SYTL5: variants seen among roughly 807,000 people sequenced by gnomAD.
SYTL5 encodes the protein synaptotagmin like 5, also known as synaptotagmin-like protein 5.
In SYTL5, 34 loss-of-function variants were observed where a neutral mutation model predicts 55.9. That is an observed-to-expected ratio of 0.61 (90% CI 0.46 to 0.81). The LOEUF (loss-of-function observed/expected upper bound fraction) is 0.81, where lower values mean the gene tolerates loss of function less well. Among genes scored for constraint, SYTL5 ranks in the 30% least tolerant of loss-of-function variants. The probability of loss-of-function intolerance (pLI) is 0.00; values close to 1 mark genes in which losing one functional copy is unlikely to be tolerated. For synonymous variants in SYTL5, 221 were observed against 188.7 expected, an observed-to-expected ratio of 1.17 and a Z score of -1.40; for missense variants, 637 against 546.7, an observed-to-expected ratio of 1.17 and a Z score of -1.65.
intron 13 of SYTL5, 38 bp from the exon 14 acceptor site, chrX:38,120,320 T>A (rs773260594): frequency 7.5e-5 from 75 of 997,733 alleles, no homozygotes; most frequent in Non-Finnish European, 1.0e-4. Flanking sequence ...AAGCCAATCA[T>A]CCATACTCTT....
Position 38,122,064 on chromosome X carries a change from T to G in SYTL5, c.1706-16T>G, listed in dbSNP as rs757638504. ...TCTCTTTCTCCACCATTCCCTCATT[T>G]TGGTGGCTGACACAGGAAATAAGAC... On this transcript the variant is annotated splice_polypyrimidine_tract_variant and intron_variant, in intron 14 of 16. Transcript: ENST00000297875. 3.5e-6 allele frequency: 4 copies of G among 1,159,363 alleles called. No homozygotes were observed. The highest frequency in any genetic ancestry group is 4.6e-6 in the Non-Finnish European group (4 of 867,722).
intron 2 of SYTL5, among the ~76,000 whole-genome samples, chrX:38,044,728 G>A (rs965051343): frequency 9.0e-6 from 1 of 111,456 alleles, no homozygotes; most frequent in African/African-American, 3.3e-5. Context: ...TTTTTTCTGA[G>A]TAATTTATCA....
chrX:37,937,523 C>G, the SYTL5 span, among the ~76,000 whole-genome samples: 46 of 111,665 alleles, frequency 4.1e-4, no homozygotes, highest in African/African-American at 1.4e-3. Context: ...CTTAAATGAA[C>G]TTTAGGTTGA....
chrX:38,102,311 C>T (rs1263645588), intron 9 of SYTL5, 31 bp from the exon 10 acceptor site: 2 of 1,006,703 alleles, frequency 2.0e-6, no homozygotes, highest in Admixed American at 2.3e-5. Context: ...ACAAATCAAC[C>T]AACCCACTGA....
intron 10 of SYTL5, among the ~76,000 whole-genome samples, chrX:38,103,744 C>G (rs974235881): frequency 9.0e-5 from 10 of 110,909 alleles, no homozygotes; most frequent in African/African-American, 3.3e-4. Flanking sequence ...TTGCATCTCT[C>G]GGAACAGATA....
rs188474166 is a variant in SYTL5 at position 38,124,042 on chromosome X, G to A, written c.1842-1256G>A. On this transcript the variant is annotated intron_variant, in intron 15 of 16. Transcript: ENST00000297875. ...TAAGGTCCCCAGTGCAGGTATGGAA[G>A]CATCATGATTATCAGGGACCCAGGA... Among the ~76,000 whole-genome samples, 26 of 111,664 alleles carry A rather than the reference G, an allele frequency of 2.3e-4. 1 individual carries two copies. In the East Asian group the frequency reaches 7.1e-3, roughly 30 times the overall value.
chrX:38,106,471 C>T, intron 10 of SYTL5, 122 bp from the exon 11 acceptor site: 1 of 617,785 alleles, frequency 1.6e-6, no homozygotes, highest in Non-Finnish European at 2.3e-6. Flanking sequence ...GTTTTCTTTC[C>T]TCACCCTAGA....
At chrX:37,937,519 T>A in the SYTL5 span, among the ~76,000 whole-genome samples, 13 of 111,567 alleles carry the variant, frequency 1.2e-4, no homozygotes, top group Non-Finnish European at 1.1e-4. Flanking sequence ...ACAACTTAAA[T>A]GAACTTTAGG....
intron 1 of SYTL5, 80 bp downstream of exon 1, chrX:38,006,748 G>C (rs1403227786): frequency 1.8e-5 from 2 of 111,509 alleles, no homozygotes; most frequent in African/African-American, 6.5e-5. Context: ...TAGGGGAGTA[G>C]TGGGATTTGC....
chrX:37,891,684 T>C, the SYTL5 span, among the ~76,000 whole-genome samples: 1 of 111,381 alleles, frequency 9.0e-6, no homozygotes, highest in Non-Finnish European at 1.9e-5. Flanking sequence ...TGTGTATGTG[T>C]GTATGTGAGT....
chrX:37,990,078 G>T, the SYTL5 span, among the ~76,000 whole-genome samples: 1 of 109,998 alleles, frequency 9.1e-6, no homozygotes, highest in Non-Finnish European at 1.9e-5. Context: ...TAGAGACGGG[G>T]TTTAACTGTG....
intron 9 of SYTL5, among the ~76,000 whole-genome samples, chrX:38,096,768 C>T (rs73467467): frequency 0.014 from 1,580 of 111,018 alleles, 11 homozygotes; most frequent in African/African-American, 0.016. Flanking sequence ...AAAATACGGA[C>T]TCCTTGGAAG....
chrX:38,026,101 G>A (rs777738913), intron 1 of SYTL5, among the ~76,000 whole-genome samples: 1 of 112,522 alleles, frequency 8.9e-6, no homozygotes, highest in African/African-American at 3.2e-5. Flanking sequence ...TTCTCAGAAT[G>A]AGGCTCCATC....
chrX:37,973,810 A>T, the SYTL5 span, among the ~76,000 whole-genome samples: 1,743 of 109,299 alleles, frequency 0.016, 33 homozygotes, highest in African/African-American at 0.053. Context: ...ATTTTTTTTT[A>T]AAAAATATTT....
At position 38,048,110 on chromosome X, in the gene SYTL5, C is replaced by T. The variant is rs762763354; in HGVS notation, c.120-6103C>T. 1.5e-3 allele frequency among the ~76,000 whole-genome samples: 170 copies of T among 109,900 alleles called. 2 individuals are homozygous for T. Among genetic ancestry groups the T allele is most frequent in the Admixed American group, 0.012 (128 of 10,352 alleles). On this transcript the variant is annotated intron_variant, in intron 2 of 16. Transcript: ENST00000297875. ...CTGAGGCAGGAGAATGGCATGAACCCGGGAGGTGGAGCTTGCAGTGAGCTG... is the reference window on the plus strand; with the variant it reads ...CTGAGGCAGGAGAATGGCATGAACCTGGGAGGTGGAGCTTGCAGTGAGCTG...
chrX:38,003,030 G>A (rs1483367515), upstream of SYTL5, among the ~76,000 whole-genome samples: 3 of 111,649 alleles, frequency 2.7e-5, no homozygotes, highest in Non-Finnish European at 5.6e-5. Flanking sequence ...AATCCATCTT[G>A]AATTAATTTT....
intron 1 of SYTL5, among the ~76,000 whole-genome samples, chrX:38,014,530 G>A (rs1222668768): frequency 8.9e-6 from 1 of 112,108 alleles, no homozygotes; most frequent in African/African-American, 3.2e-5. Context: ...ATGTGCCAGT[G>A]ATACAGCCTC....
the SYTL5 span, among the ~76,000 whole-genome samples, chrX:37,893,288 A>G: frequency 3.0e-5 from 3 of 98,819 alleles, no homozygotes; most frequent in African/African-American, 1.1e-4. Context: ...TATATATAAC[A>G]TACCACACTA....
chrX:38,096,272 G>T, intron 9 of SYTL5, 38 bp downstream of exon 9: 1 of 816,831 alleles, frequency 1.2e-6, no homozygotes, highest in Non-Finnish European at 1.8e-6. Flanking sequence ...TGAAGAGGAG[G>T]AAATAAGGGC....
Sources: gnomAD v4.1 joint callset for allele counts (sites outside exome capture counted in the v4.1 genomes callset) on GRCh38, gnomAD v4.1.1 for gene constraint, MANE v1.5 for transcripts, NCBI Gene and HGNC (gene_info 2026-07-23, HGNC 2026-07-21) for gene names.